WBP1L: variants seen among roughly 807,000 people sequenced by gnomAD.
WBP1L encodes the protein WW domain binding protein 1 like.
In WBP1L, 17 loss-of-function variants were observed where a neutral mutation model predicts 33.7. That is an observed-to-expected ratio of 0.50 (90% CI 0.34 to 0.76). WBP1L has a LOEUF of 0.76. Among genes scored for constraint, WBP1L ranks in the 30% least tolerant of loss-of-function variants. The pLI, the probability that WBP1L is intolerant of heterozygous loss-of-function variation, is 0.01. For missense variants in WBP1L, 389 were observed against 469.4 expected (o/e 0.83, Z 1.58); for synonymous variants, 173 against 190.8 (o/e 0.91, Z 0.77).
intron 3 of WBP1L, among the ~76,000 whole-genome samples, chr10:102,811,757 C>CGAGG (rs1843845573): frequency 6.6e-6 from 1 of 152,170 alleles, no homozygotes; most frequent in African/African-American, 2.4e-5. Context: ...GTGATCTGCC[C>CGAGG]GCCTCGGCTT....
chr10:102,757,567 GC>G (rs1337382003), intron 1 of WBP1L, among the ~76,000 whole-genome samples: 1 of 88,674 alleles, frequency 1.1e-5, no homozygotes, highest in Non-Finnish European at 2.2e-5. Flanking sequence ...TGGTTTCTGA[GC>G]CTTTTTTTTT....
At chr10:102,746,199 T>G in intron 1 of WBP1L, 1 of 982,784 alleles carries the variant, frequency 1.0e-6, no homozygotes, top group South Asian at 4.7e-5. Flanking sequence ...GGAAGGGGAT[T>G]GTTAATGTTA....
At chr10:102,768,429 ACT>A (rs59779725) in intron 1 of WBP1L, among the ~76,000 whole-genome samples, 1 of 33,410 alleles carries the variant, frequency 3.0e-5, no homozygotes, top group African/African-American at 2.0e-4. Flanking sequence ...CCCAGGCTGG[ACT>A]GCGGACTGCA....
intron 1 of WBP1L, among the ~76,000 whole-genome samples, chr10:102,778,714 A>G (rs988128849): frequency 4.6e-5 from 7 of 152,200 alleles, no homozygotes; most frequent in African/African-American, 1.7e-4. Flanking sequence ...CAGTGTAACT[A>G]TGTTCTTTAT....
At chr10:102,795,667 C>G (rs904172618) in intron 1 of WBP1L, among the ~76,000 whole-genome samples, 27 of 152,320 alleles carry the variant, frequency 1.8e-4, no homozygotes, top group African/African-American at 6.5e-4. Flanking sequence ...ACAGAAGTGT[C>G]ATTGGATTCT....
chr10:102,775,687 G>GC (rs910171867), intron 1 of WBP1L, among the ~76,000 whole-genome samples: 150 of 152,206 alleles, frequency 9.9e-4, no homozygotes, highest in African/African-American at 3.4e-3. Flanking sequence ...GCCTCTCCAA[G>GC]CCCCCGCTGC....
chr10:102,801,362 TGAAG>T (rs1843655401), intron 2 of WBP1L, among the ~76,000 whole-genome samples: 1 of 152,222 alleles, frequency 6.6e-6, no homozygotes, highest in Admixed American at 6.5e-5. Context: ...CAGAATTTCC[TGAAG>T]GGCTACCGAA....
At chr10:102,792,982 G>C (rs995843457) in intron 1 of WBP1L, among the ~76,000 whole-genome samples, 1 of 152,104 alleles carries the variant, frequency 6.6e-6, no homozygotes, top group East Asian at 1.9e-4. Flanking sequence ...ACCAGTTCCT[G>C]GGTCTTTTAC....
chr10:102,750,219 C>G (rs866749325), intron 1 of WBP1L, among the ~76,000 whole-genome samples: 58 of 151,280 alleles, frequency 3.8e-4, no homozygotes, highest in Non-Finnish European at 4.9e-4. Flanking sequence ...ACCAGCGTGG[C>G]CAACATGGTG....
At position 102,790,126 on chromosome 10, in the gene WBP1L, CT is replaced by C. The variant is rs566318555; in HGVS notation, c.91-7865del. Among the ~76,000 whole-genome samples the C allele has an allele frequency of 1.5e-3, 225 of 152,068 alleles. 1 individual carries two copies. Among genetic ancestry groups the C allele is most frequent in the African/African-American group, 5.1e-3 (212 of 41,474 alleles). ...TCTCCTCCATTCTTTTCTTCTCAAGCTTCTTTCTCATTTTTCATTTCCATGT... is the reference window on the plus strand; with the variant it reads ...TCTCCTCCATTCTTTTCTTCTCAAGCTCTTTCTCATTTTTCATTTCCATGT... On this transcript the variant is annotated intron_variant, in intron 1 of 3. Transcript: ENST00000448841.
intron 1 of WBP1L, among the ~76,000 whole-genome samples, chr10:102,796,994 C>G (rs1445137541): frequency 6.6e-6 from 1 of 152,154 alleles, no homozygotes; most frequent in Admixed American, 6.5e-5. Flanking sequence ...CAGTAGTGCC[C>G]TTTATGTGAG....
chr10:102,756,209 G>A (rs1490109795), intron 1 of WBP1L, among the ~76,000 whole-genome samples: 2 of 152,114 alleles, frequency 1.3e-5, no homozygotes, highest in Non-Finnish European at 2.9e-5. Flanking sequence ...TCAGGAGTTC[G>A]AGACCAGCCT....
chr10:102,805,114 C>A (rs1233475871), intron 2 of WBP1L, among the ~76,000 whole-genome samples: 2 of 151,546 alleles, frequency 1.3e-5, no homozygotes, highest in South Asian at 4.2e-4. Context: ...AGACCACCCC[C>A]CTATATCTAC....
In WBP1L at chr10:102,809,911, C is replaced by T. The variant is rs1171292669; in HGVS notation, c.212C>T (p.Thr71Ile). 6 of 1,612,892 alleles carry T rather than the reference C, an allele frequency of 3.7e-6. No individual in the cohort carries two copies. The highest frequency in any genetic ancestry group is 5.1e-6 in the Non-Finnish European group (6 of 1,179,474). ...CCCCCAGGGTTCTGGCTGGTGTGGA[C>T]CATCATCATCATCCTGAGCTGCTGC... The part of the protein sequence containing the change: ...YELWWFWLVW[T>I]IIIILSCCCV... Residue 71 changes from threonine to isoleucine, a missense_variant, in exon 3 of 4, where the codon ACC becomes ATC. Transcript: ENST00000448841.
chr10:102,797,276 A>G (rs1843585569), intron 1 of WBP1L, among the ~76,000 whole-genome samples: 1 of 152,232 alleles, frequency 6.6e-6, no homozygotes, highest in Admixed American at 6.5e-5. Flanking sequence ...TAATTATTCC[A>G]GGAAGTTTCA....
chr10:102,798,413 C>T (rs1020830101), intron 2 of WBP1L, among the ~76,000 whole-genome samples: 6 of 151,960 alleles, frequency 3.9e-5, no homozygotes, highest in Admixed American at 3.3e-4. Context: ...CTTGGGCCCT[C>T]CCAGAAGCCC....
rs56812691 is a variant in WBP1L at position 102,766,441 on chromosome 10, C to CAAA, written c.90+22317_90+22319dup. 2.1e-3 allele frequency among the ~76,000 whole-genome samples: 122 copies of CAAA among 57,320 alleles called. 1 individual carries two copies. The highest frequency in any genetic ancestry group is 8.1e-3 in the African/African-American group (110 of 13,552). The allele number at this position is 57,320 out of a possible 152,430, so 37.6% of individuals were successfully genotyped here. A position where few individuals can be genotyped will look rare whatever the true frequency, so the allele number is the denominator to read the frequency against. On this transcript the variant is annotated intron_variant, in intron 1 of 3. Coordinates refer to ENST00000448841, the MANE Select transcript of WBP1L (RefSeq NM_001083913.2). ...GGGCAACAAGAGCGAAACTCTGTCT[C>CAAA]AAAAAAAAAAAAAAAAAAAAAGGAA... is the stretch of plus-strand genomic sequence containing the variant.
intron 1 of WBP1L, among the ~76,000 whole-genome samples, chr10:102,772,925 C>CTTT (rs58706105): frequency 7.9e-5 from 11 of 138,948 alleles, no homozygotes; most frequent in East Asian, 2.1e-4. Context: ...GTATGACTTC[C>CTTT]TTTTTTTTTT....
chr10:102,810,045 T>C lies in WBP1L; in HGVS notation c.346T>C (p.Phe116Leu). Residue 116 changes from phenylalanine to leucine, a missense_variant, in exon 3 of 4, where the codon TTT becomes CTT. Transcript: ENST00000448841. ...REAHNYSALP[F>L]YFRFLPNYLL... ...AGCCCACAATTACTCAGCGCTGCCA[T>C]TTTATTTCAGTACGTACACCCAAGC... The C allele has an allele frequency of 6.2e-7, 1 of 1,611,478 alleles. No individual in the cohort carries two copies. Among genetic ancestry groups the C allele is most frequent in the African/African-American group, 1.3e-5 (1 of 74,952 alleles).
Sources: gnomAD v4.1 joint callset for allele counts (sites outside exome capture counted in the v4.1 genomes callset) on GRCh38, gnomAD v4.1.1 for gene constraint, MANE v1.5 for transcripts, NCBI Gene and HGNC (gene_info 2026-07-23, HGNC 2026-07-21) for gene names.